Variants in UTP11 observed in about 807,000 individuals in gnomAD.
UTP11 encodes UTP11 small subunit processome component.
A neutral mutation model predicts 39.0 loss-of-function variants in UTP11; 29 were observed. That is an observed-to-expected ratio of 0.74 (90% CI 0.55 to 1.01). UTP11 has a LOEUF of 1.01. UTP11 is among the 50% of genes least tolerant of loss of function. UTP11 has a pLI of 0.00. For synonymous variants in UTP11, 111 were observed against 105.0 expected (o/e 1.06, Z -0.35); for missense variants, 281 against 306.0 (o/e 0.92, Z 0.61).
Position 38,012,810 on chromosome 1 carries a change from C to G in UTP11, c.8C>G (p.Ala3Gly), listed in dbSNP as rs760834488. 2 of 1,614,186 alleles carry G rather than the reference C, an allele frequency of 1.2e-6. No individual in the cohort carries two copies. The highest frequency in any genetic ancestry group is 1.7e-6 in the Non-Finnish European group (2 of 1,180,024). Reference protein sequence around the residue: MAAAFRKAAKSRQ... With the variant: MAGAFRKAAKSRQ... ...TTCCAAGGCTGTACAGACATGGCGG[C>G]GGCTTTTCGGAAGGCGGCTAAGTCC... The change falls in exon 1 of 8, where the codon GCG (alanine) becomes GGG (glycine). Residue 3 changes from alanine to glycine, a missense_variant. Coordinates refer to ENST00000373014, the MANE Select transcript of UTP11 (RefSeq NM_016037.4).
intron 3 of UTP11, 152 bp from the exon 4 acceptor site, chr1:38,018,312 C>T (rs1367290159): frequency 1.4e-5 from 7 of 499,196 alleles, no homozygotes; most frequent in Non-Finnish European, 2.2e-5. Context: ...CTCAAGTGAT[C>T]TGCCCATCTC....
chr1:38,016,779 C>T (rs541999969), intron 2 of UTP11: 1 of 262,572 alleles, frequency 3.8e-6, no homozygotes, highest in East Asian at 9.1e-5. Flanking sequence ...TTTGTTGAGT[C>T]TCTTACATCA....
chr1:38,012,754 C>G lies in UTP11; in HGVS notation c.-49C>G. 1.2e-6 allele frequency: 2 copies of G among 1,611,762 alleles called. No individual in the cohort carries two copies. The highest frequency in any genetic ancestry group is 1.7e-5 in the Admixed American group (1 of 60,010). Reference sequence around the variant, plus strand: ...GAATCAGTGGACTTGGCGGCAGAGGCAGTGCGGATCCGGCGTTCTCCACTG... The same window carrying G: ...GAATCAGTGGACTTGGCGGCAGAGGGAGTGCGGATCCGGCGTTCTCCACTG... On this transcript the variant is annotated 5_prime_UTR_variant, in exon 1 of 8. Coordinates refer to ENST00000373014, the MANE Select transcript of UTP11 (RefSeq NM_016037.4).
At position 38,017,697 on chromosome 1, in the gene UTP11, A is replaced by G. The variant is rs781496046; in HGVS notation, c.155A>G (p.Lys52Arg). ...DDYRKKQEYL[K>R]ALRKKALEKN... ...TACCGTAAAAAACAAGAATACCTCAAAGCTCTTCGGAAGAAGGCTCTTGAA... is the reference window on the plus strand; with the variant it reads ...TACCGTAAAAAACAAGAATACCTCAGAGCTCTTCGGAAGAAGGCTCTTGAA... Residue 52 changes from lysine to arginine, a missense_variant, in exon 3 of 8, where the codon AAA becomes AGA. Physicochemically the swap from Lys to Arg is conservative, Grantham distance 26. Transcript: ENST00000373014. 3 of 1,610,946 alleles carry G rather than the reference A, an allele frequency of 1.9e-6. No homozygotes were observed. In the South Asian group the frequency reaches 3.3e-5, roughly 18 times the overall value.
At chr1:38,013,556 C>T (rs1200823913) in intron 1 of UTP11, among the ~76,000 whole-genome samples, 1 of 152,088 alleles carries the variant, frequency 6.6e-6, no homozygotes, top group Non-Finnish European at 1.5e-5. Context: ...TCAGGAATCC[C>T]GTGCTTAATA....
At chr1:38,018,853 C>A (rs181936713) in intron 4 of UTP11, among the ~76,000 whole-genome samples, 1 of 152,174 alleles carries the variant, frequency 6.6e-6, no homozygotes, top group African/African-American at 2.4e-5. Flanking sequence ...CTGTCTCAGG[C>A]GACTGTTGCA....
At chr1:38,013,568 C>T (rs147687028) in intron 1 of UTP11, among the ~76,000 whole-genome samples, 1 of 152,292 alleles carries the variant, frequency 6.6e-6, no homozygotes, top group African/African-American at 2.4e-5. Context: ...TGCTTAATAT[C>T]TGATTCAGAA....
chr1:38,023,199 T>G (rs551976112), intron 7 of UTP11, among the ~76,000 whole-genome samples: 1 of 152,378 alleles, frequency 6.6e-6, no homozygotes, highest in South Asian at 2.1e-4. Flanking sequence ...CTCTTTCATA[T>G]TCTTATCATT....
chr1:38,023,765 C>A lies in UTP11; in HGVS notation c.*137C>A. The A allele has an allele frequency of 1.6e-6, 1 of 617,988 alleles. No homozygotes were observed. The highest frequency in any genetic ancestry group is 2.7e-6 in the Non-Finnish European group (1 of 376,088). The allele number at this position is 617,988 out of a possible 1,614,324, so 38.3% of individuals were successfully genotyped here. A position where few individuals can be genotyped will look rare whatever the true frequency, so the allele number is the denominator to read the frequency against. On this transcript the variant is annotated 3_prime_UTR_variant, in exon 8 of 8. Coordinates refer to ENST00000373014, the MANE Select transcript of UTP11 (RefSeq NM_016037.4). ...AAATTGTCAGTCTGACATTTAATGT[C>A]TTTCTATGGACAACATTAAATCTCC...
chr1:38,014,037 T>C (rs532177583), intron 1 of UTP11, among the ~76,000 whole-genome samples: 1 of 152,348 alleles, frequency 6.6e-6, no homozygotes, highest in Non-Finnish European at 1.5e-5. Context: ...TTTTGAGCAC[T>C]TACTATATGC....
rs762987235 is a variant in UTP11 at position 38,019,088 on chromosome 1, T to A, written c.372T>A (p.His124Gln). 1 of 1,613,284 alleles carries A rather than the reference T, an allele frequency of 6.2e-7. No individual in the cohort carries two copies. The highest frequency in any genetic ancestry group is 2.2e-5 in the East Asian group (1 of 44,824). Residue 124 changes from histidine to glutamine, a missense_variant, in exon 5 of 8, where the codon CAT becomes CAA. His to Gln is a conservative substitution (Grantham distance 24). Coordinates refer to ENST00000373014, the MANE Select transcript of UTP11 (RefSeq NM_016037.4). Reference protein sequence around the residue: ...KKIERLKSELHLLDFQGKQQN... With the variant: ...KKIERLKSELQLLDFQGKQQN... ...TCGAAAGACTAAAATCAGAGCTCCA[T>A]CTGCTGGATTTCCAGGGGAAGCAAC... is the stretch of plus-strand genomic sequence containing the variant.
chr1:38,018,399 T>C, intron 3 of UTP11, 65 bp from the exon 4 acceptor site: 2 of 1,275,440 alleles, frequency 1.6e-6, no homozygotes, highest in Non-Finnish European at 2.2e-6. Context: ...AGCCGTGCAC[T>C]GTGCCAACAA....
chr1:38,018,926 TTTAAAAGA>T, intron 4 of UTP11, 125 bp from the exon 5 acceptor site: 1 of 809,258 alleles, frequency 1.2e-6, no homozygotes, highest in South Asian at 1.9e-5. Flanking sequence ...GATCCTTTCC[TTTAAAAGA>T]ATAAAGCAAG....
At position 38,023,551 on chromosome 1, in the gene UTP11, A is replaced by T. The variant is rs1226479101; in HGVS notation, c.685A>T (p.Thr229Ser). The T allele has an allele frequency of 6.2e-7, 1 of 1,609,864 alleles. No individual in the cohort carries two copies. Among genetic ancestry groups the T allele is most frequent in the Non-Finnish European group, 8.5e-7 (1 of 1,178,506 alleles). ...IQTRKDLMDK[T>S]QKVKVKKETV... ...CCTTTTTACTCTTTTGTAGGATAAA[A>T]CTCAGAAAGTGAAGGTGAAGAAAGA... Residue 229 changes from threonine (T) to serine (S), a missense_variant, in exon 8 of 8, where the codon ACT becomes TCT. Transcript: ENST00000373014.
chr1:38,018,375 G>A, intron 3 of UTP11, 89 bp from the exon 4 acceptor site: 1 of 953,606 alleles, frequency 1.0e-6, no homozygotes, highest in East Asian at 2.6e-5. Flanking sequence ...TTGGCCTATG[G>A]TTGTCTTTGT....
chr1:38,024,496 G>A lies in UTP11; in HGVS notation c.*868G>A, dbSNP rs952061410. On this transcript the variant is annotated 3_prime_UTR_variant, in exon 8 of 8. Coordinates refer to ENST00000373014, the MANE Select transcript of UTP11 (RefSeq NM_016037.4). ...CGGCTCACTGCAAGCTCCGCTTCCCGGGTTCACGCCATTCTCCTGCCTCAG... is the reference window on the plus strand; with the variant it reads ...CGGCTCACTGCAAGCTCCGCTTCCCAGGTTCACGCCATTCTCCTGCCTCAG... The A allele has an allele frequency of 2.0e-5, 3 of 146,706 alleles. No homozygotes were observed. Among genetic ancestry groups the A allele is most frequent in the African/African-American group, 7.5e-5 (3 of 39,828 alleles). 9.1% of individuals were successfully genotyped at this position (146,706 alleles called of 1,614,324 possible).
In UTP11 at chr1:38,023,879, C is replaced by T; in HGVS notation, c.*251C>T. The stretch of plus-strand genomic sequence containing the variant: ...TTTCTTTGAGATAGGGTCTTTGTTG[C>T]CAGGCTGGAAGTGCAGTGTGTGATT... On this transcript the variant is annotated 3_prime_UTR_variant, in exon 8 of 8. Transcript: ENST00000373014. 3.5e-6 allele frequency: 1 copy of T among 282,040 alleles called. No individual in the cohort carries two copies. The highest frequency in any genetic ancestry group is 6.6e-6 in the Non-Finnish European group (1 of 152,284). 17.5% of individuals were successfully genotyped at this position (282,040 alleles called of 1,614,324 possible).
At chr1:38,015,411 G>A (rs1182670502) in intron 1 of UTP11, among the ~76,000 whole-genome samples, 1 of 152,208 alleles carries the variant, frequency 6.6e-6, no homozygotes, top group Non-Finnish European at 1.5e-5. Context: ...CTACTGTGAT[G>A]GCCCTAGGGA....
chr1:38,016,093 C>T (rs1177189271), intron 1 of UTP11, among the ~76,000 whole-genome samples: 11 of 152,348 alleles, frequency 7.2e-5, no homozygotes, highest in Admixed American at 5.2e-4. Flanking sequence ...TGCTTAGTGC[C>T]GAGTCATTGT....
Sources: allele counts gnomAD v4.1 joint callset (sites outside exome capture counted in the v4.1 genomes callset), GRCh38; gene constraint gnomAD v4.1.1; transcripts MANE v1.5; gene names NCBI Gene and HGNC (gene_info 2026-07-23, HGNC 2026-07-21).